The following TBC1D5 variants were observed in gnomAD, a reference collection of about 807,000 sequenced individuals.
The protein encoded by TBC1D5 is TBC1 domain family member 5, also known as TBC1 domain family, member 5.
In TBC1D5, 75 loss-of-function variants were observed where a neutral mutation model predicts 100.3. That is an observed-to-expected ratio of 0.75 (90% confidence interval 0.62 to 0.91). The LOEUF (loss-of-function observed/expected upper bound fraction) is 0.91. Ranked by LOEUF, TBC1D5 falls within the 40% of genes least tolerant of loss-of-function variation. The probability of loss-of-function intolerance (pLI) is 0.00; values close to 1 mark genes in which losing one functional copy is unlikely to be tolerated. For synonymous variants in TBC1D5, 323 were observed against 325.6 expected (o/e 0.99, Z 0.09); for missense variants, 910 against 942.4 (o/e 0.97, Z 0.45).
chr3:17,569,831 T>C (rs1214163772), intron 2 of TBC1D5, among the ~76,000 whole-genome samples: 5 of 151,708 alleles, frequency 3.3e-5, no homozygotes, highest in Non-Finnish European at 3.0e-5. Flanking sequence ...AATATCATTT[T>C]CATCTACTAT....
At chr3:17,429,312 G>T (rs1205935753) in intron 3 of TBC1D5, among the ~76,000 whole-genome samples, 1 of 151,778 alleles carries the variant, frequency 6.6e-6, no homozygotes, top group East Asian at 1.9e-4. Context: ...CTTATTGATT[G>T]AAATTTCATA....
Position 17,672,191 on chromosome 3 carries a change from T to C in TBC1D5, c.-100-48278A>G, listed in dbSNP as rs144014534. Among the ~76,000 whole-genome samples the C allele has an allele frequency of 1.0e-3, 159 of 152,292 alleles. 2 individuals carry two copies. Among genetic ancestry groups the C allele is most frequent in the African/African-American group, 3.6e-3 (148 of 41,546 alleles). On this transcript the variant is annotated intron_variant, in intron 1 of 21. Transcript: ENST00000253692. The stretch of plus-strand genomic sequence containing the variant: ...ATGACTTCTACCAAATACATGATTT[T>C]TTGCAAAATATAAAACACCTTAAAA...
chr3:17,742,323 T>A (rs1560604498), upstream of TBC1D5, among the ~76,000 whole-genome samples: 1 of 152,088 alleles, frequency 6.6e-6, no homozygotes, highest in African/African-American at 2.4e-5. Context: ...CGGCGGCGGC[T>A]GCGGCTGCAG....
At chr3:17,288,798 A>C (rs1169938087) in intron 15 of TBC1D5, among the ~76,000 whole-genome samples, 3 of 152,202 alleles carry the variant, frequency 2.0e-5, no homozygotes, top group African/African-American at 7.2e-5. Flanking sequence ...CAGGACCAGA[A>C]GTAGGGATCC....
exon 18 of TBC1D5, chr3:17,214,254 T>C: frequency 6.2e-7 from 1 of 1,613,536 alleles, no homozygotes; most frequent in Non-Finnish European, 8.5e-7. Flanking sequence ...GAACGTGAGA[T>C]GTTGCTAAAA....
At chr3:17,548,913 T>C (rs1013573074) in intron 2 of TBC1D5, among the ~76,000 whole-genome samples, 4 of 152,254 alleles carry the variant, frequency 2.6e-5, no homozygotes, top group Non-Finnish European at 5.9e-5. Flanking sequence ...CAAATACCTT[T>C]AAATTTACCT....
At chr3:17,253,320 A>G (rs2077332294) in intron 16 of TBC1D5, among the ~76,000 whole-genome samples, 1 of 152,202 alleles carries the variant, frequency 6.6e-6, no homozygotes, top group Non-Finnish European at 1.5e-5. Context: ...TGGCTATAGA[A>G]ATACAACTTT....
intron 13 of TBC1D5, among the ~76,000 whole-genome samples, chr3:17,331,606 G>A (rs1015235879): frequency 8.5e-5 from 13 of 152,120 alleles, no homozygotes; most frequent in Non-Finnish European, 5.9e-5. Context: ...AGGGTGCTGG[G>A]GACACAGCAA....
intron 13 of TBC1D5, among the ~76,000 whole-genome samples, chr3:17,322,988 T>C (rs2085625567): frequency 6.6e-6 from 1 of 152,190 alleles, no homozygotes; most frequent in African/African-American, 2.4e-5. Context: ...ACTGCACTTT[T>C]AAAAAGTTTA....
At chr3:17,562,431 C>T (rs1266348359) in intron 2 of TBC1D5, among the ~76,000 whole-genome samples, 2 of 151,196 alleles carry the variant, frequency 1.3e-5, no homozygotes, top group Admixed American at 1.3e-4. Flanking sequence ...TTATAATTTG[C>T]ACCTAATAGT....
intron 1 of TBC1D5, among the ~76,000 whole-genome samples, chr3:17,694,265 A>G (rs1169033230): frequency 1.3e-5 from 2 of 152,242 alleles, no homozygotes; most frequent in Non-Finnish European, 2.9e-5. Context: ...TGACAGAAGT[A>G]GGCTTCAGAA....
At chr3:17,355,863 T>C (rs1018268204) in intron 13 of TBC1D5, among the ~76,000 whole-genome samples, 2 of 152,238 alleles carry the variant, frequency 1.3e-5, no homozygotes, top group South Asian at 2.1e-4. Flanking sequence ...AAAATGTTCT[T>C]TGTTTGATTT....
intron 1 of TBC1D5, among the ~76,000 whole-genome samples, chr3:17,674,989 T>C (rs922503104): frequency 6.6e-6 from 1 of 152,086 alleles, no homozygotes. Context: ...AGCAAAATAC[T>C]AGTATACAGC....
intron 4 of TBC1D5, among the ~76,000 whole-genome samples, chr3:17,414,606 A>G (rs2094017164): frequency 6.6e-6 from 1 of 152,250 alleles, no homozygotes; most frequent in Non-Finnish European, 1.5e-5. Context: ...ATAAGACTGT[A>G]AAGTGTGGCA....
intron 2 of TBC1D5, among the ~76,000 whole-genome samples, chr3:17,527,313 G>C (rs1012338168): frequency 6.6e-6 from 1 of 152,170 alleles, no homozygotes; most frequent in Non-Finnish European, 1.5e-5. Context: ...CCTGAAAGAA[G>C]AGCATGCTGC....
intron 14 of TBC1D5, among the ~76,000 whole-genome samples, chr3:17,294,656 C>A (rs764286060): frequency 1.3e-5 from 2 of 152,220 alleles, no homozygotes; most frequent in African/African-American, 4.8e-5. Context: ...CCAGTCACTG[C>A]ATGCAATGAG....
intron 8 of TBC1D5, among the ~76,000 whole-genome samples, chr3:17,386,288 C>T (rs1013979613): frequency 6.6e-6 from 1 of 152,104 alleles, no homozygotes; most frequent in African/African-American, 2.4e-5. Flanking sequence ...TTTCTACACA[C>T]ATTGGCACAA....
At chr3:17,435,008 T>C (rs111574067) in intron 3 of TBC1D5, among the ~76,000 whole-genome samples, 13,874 of 152,228 alleles carry the variant, frequency 0.091, 1,427 homozygotes, top group African/African-American at 0.26. Flanking sequence ...AGAGTTAACT[T>C]TATTCCAGTT....
rs544191643 is a variant in TBC1D5 at position 17,312,136 on chromosome 3, C to T, written c.996-4002G>A. On this transcript the variant is annotated intron_variant, in intron 13 of 21. Coordinates refer to ENST00000253692, the Ensembl canonical transcript of TBC1D5. ...CACCCTGAGTTTTCCTTTATATCAA[C>T]TCTGTGTAGACAGTCTTAAAATTGC... 4.6e-5 allele frequency among the ~76,000 whole-genome samples: 7 copies of T among 152,150 alleles called. No homozygotes were observed. In the East Asian group the frequency reaches 1.2e-3, roughly 25 times the overall value.
Sources: allele counts gnomAD v4.1 joint callset (sites outside exome capture counted in the v4.1 genomes callset), GRCh38; gene constraint gnomAD v4.1.1; transcripts MANE v1.5; gene names NCBI Gene and HGNC (gene_info 2026-07-23, HGNC 2026-07-21).